The following ANKRD36 variants were observed in gnomAD, a reference collection of about 807,000 sequenced individuals.
The protein encoded by ANKRD36 is ankyrin repeat domain 36, also known as ankyrin repeat domain-containing protein 36A.
In ANKRD36, 179 loss-of-function variants were observed where a neutral mutation model predicts 278.1. The observed-to-expected ratio is 0.64, with a 90% confidence interval of 0.57 to 0.73. ANKRD36 has a LOEUF of 0.73. ANKRD36 is among the 30% of genes least tolerant of loss of function. ANKRD36 has a pLI of 0.00. For synonymous variants in ANKRD36, 320 were observed against 641.1 expected (o/e 0.50, Z 7.57); for missense variants, 1,159 against 1,956.7 (o/e 0.59, Z 7.69).
intron 6 of ANKRD36, among the ~76,000 whole-genome samples, chr2:97,130,977 A>T (rs1574660227): frequency 6.6e-6 from 1 of 152,028 alleles, no homozygotes; most frequent in South Asian, 2.1e-4. Flanking sequence ...TAAGATTTTA[A>T]GTTTCTTTTA....
intron 20 of ANKRD36, among the ~76,000 whole-genome samples, chr2:97,167,270 TAGTTTTTA>T (rs1283366171): frequency 6.6e-6 from 1 of 152,290 alleles, no homozygotes; most frequent in African/African-American, 2.4e-5. Flanking sequence ...ATGAAATTGA[TAGTTTTTA>T]AGTTAGAGGA....
rs558780420 is a variant in ANKRD36 at position 97,215,827 on chromosome 2, T to C, written c.3673+330T>C. 8.6e-4 allele frequency: 528 copies of C among 610,894 alleles called. No individual in the cohort carries two copies. In the African/African-American group the frequency reaches 8.8e-3, roughly 10 times the overall value. 37.8% of individuals were successfully genotyped at this position (610,894 alleles called of 1,614,324 possible). The stretch of plus-strand genomic sequence containing the variant: ...AGAGGGGAAGGAGAAAGAGATGAAG[T>C]AATAGATATTATAGGCGTCAGATCA... On this transcript the variant is annotated intron_variant, in intron 62 of 75. Transcript: ENST00000420699.
At chr2:97,217,849 C>A (rs2153641877) in intron 64 of ANKRD36, among the ~76,000 whole-genome samples, 1 of 151,422 alleles carries the variant, frequency 6.6e-6, no homozygotes, top group South Asian at 2.2e-4. Flanking sequence ...AGAGGGATTG[C>A]AAGGCAAGAA....
chr2:97,206,397 G>A (rs1371281146), intron 52 of ANKRD36, among the ~76,000 whole-genome samples: 1 of 151,468 alleles, frequency 6.6e-6, no homozygotes, highest in Non-Finnish European at 1.5e-5. Flanking sequence ...GGTCTCTGGG[G>A]AACAGCATAG....
intron 22 of ANKRD36, among the ~76,000 whole-genome samples, chr2:97,176,119 T>G (rs1023337512): frequency 1.3e-5 from 2 of 151,690 alleles, no homozygotes; most frequent in African/African-American, 4.8e-5. Flanking sequence ...GGGTGGAGAG[T>G]TCTGTAGATG....
At chr2:97,149,387 T>C in intron 12 of ANKRD36, 26 bp downstream of exon 12, 1 of 1,490,994 alleles carries the variant, frequency 6.7e-7, no homozygotes, top group Non-Finnish European at 8.9e-7. Context: ...GTGAAATTAA[T>C]TTTCTCCCTC....
chr2:97,150,169 A>G (rs936872668), intron 12 of ANKRD36, among the ~76,000 whole-genome samples: 1 of 151,846 alleles, frequency 6.6e-6, no homozygotes, highest in Non-Finnish European at 1.5e-5. Context: ...TCTTTATTTA[A>G]TTGAAAAATA....
In ANKRD36 at chr2:97,179,940, T is replaced by G. The variant is rs1284389306; in HGVS notation, c.1735+7T>G. 1 of 1,604,702 alleles carries G rather than the reference T, an allele frequency of 6.2e-7. No individual in the cohort carries two copies. The highest frequency in any genetic ancestry group is 1.1e-5 in the South Asian group (1 of 90,804). ...GGACCAATATCTGGGACAGGTAATTTTGCAAAACACATCTAATGTCATGTT... is the reference window on the plus strand; with the variant it reads ...GGACCAATATCTGGGACAGGTAATTGTGCAAAACACATCTAATGTCATGTT... On this transcript the variant is annotated splice_region_variant and intron_variant, in intron 24 of 75. Coordinates refer to ENST00000420699, the MANE Select transcript of ANKRD36 (RefSeq NM_001354587.1).
chr2:97,222,034 G>T (rs1232837140), intron 66 of ANKRD36, among the ~76,000 whole-genome samples: 1 of 151,138 alleles, frequency 6.6e-6, no homozygotes, highest in Non-Finnish European at 1.5e-5. Context: ...ATTAAATAGG[G>T]AATCCTTTCC....
intron 20 of ANKRD36, among the ~76,000 whole-genome samples, chr2:97,164,864 G>A (rs747463514): frequency 6.1e-5 from 9 of 147,142 alleles, no homozygotes; most frequent in Admixed American, 4.1e-4. Context: ...GAACTTCAAC[G>A]CCTTTATTTC....
chr2:97,116,382 T>C (rs1476717019), intron 1 of ANKRD36, among the ~76,000 whole-genome samples: 3 of 152,054 alleles, frequency 2.0e-5, no homozygotes, highest in Non-Finnish European at 2.9e-5. Context: ...CAAGTGATTC[T>C]CCCACCTCAG....
chr2:97,162,917 CT>C (rs2049381490), intron 18 of ANKRD36, among the ~76,000 whole-genome samples: 1 of 141,334 alleles, frequency 7.1e-6, no homozygotes, highest in African/African-American at 2.6e-5. Flanking sequence ...CGAGAAATTT[CT>C]TTCTTGAGTA....
At chr2:97,143,595 AC>A (rs888457119) in intron 8 of ANKRD36, among the ~76,000 whole-genome samples, 33 of 152,054 alleles carry the variant, frequency 2.2e-4, no homozygotes, top group Admixed American at 3.3e-4. Context: ...AAAGGAACTA[AC>A]TTTTGGATAA....
chr2:97,237,421 A>C (rs2073744455), intron 68 of ANKRD36, among the ~76,000 whole-genome samples: 1 of 151,604 alleles, frequency 6.6e-6, no homozygotes, highest in Non-Finnish European at 1.5e-5. Context: ...ATGTGTATCC[A>C]TGTTATATAA....
At chr2:97,200,566 A>T (rs747591702) in intron 46 of ANKRD36, 41 bp downstream of exon 46, 3 of 1,538,354 alleles carry the variant, frequency 2.0e-6, no homozygotes, top group East Asian at 4.9e-5. Context: ...TTCAGTCCAG[A>T]TAAGAAGTTC....
chr2:97,187,494 G>GGGGGGGGGGGGGGGGGC, intron 32 of ANKRD36, 93 bp downstream of exon 32: 13 of 95,514 alleles, frequency 1.4e-4, no homozygotes, highest in East Asian at 4.2e-4. Context: ...GGGTGGGGGG[G>GGGGGGGGGGGGGGGGGC]CTCGCCGAAG....
Position 97,141,071 on chromosome 2 carries a change from T to C in ANKRD36, c.800-1569T>C, listed in dbSNP as rs527806112. Among the ~76,000 whole-genome samples, 11 of 151,824 alleles carry C rather than the reference T, an allele frequency of 7.2e-5. 1 individual carries two copies. The highest frequency in any genetic ancestry group is 6.0e-4 in the Admixed American group (9 of 15,126). ...TAATCTAGAAAAAGTGTTTTTTTTT[T>C]CTTTAGGAAAGCTGTGTTGGCTGAG... On this transcript the variant is annotated intron_variant, in intron 6 of 75. Transcript: ENST00000420699.
At chr2:97,173,833 A>G (rs1391892342) in intron 22 of ANKRD36, among the ~76,000 whole-genome samples, 1 of 151,670 alleles carries the variant, frequency 6.6e-6, no homozygotes, top group Non-Finnish European at 1.5e-5. Context: ...AGTTTTGCAC[A>G]TCAGTGATAC....
chr2:97,226,682 A>G (rs1171525391), intron 67 of ANKRD36, among the ~76,000 whole-genome samples: 17 of 151,978 alleles, frequency 1.1e-4, no homozygotes, highest in Non-Finnish European at 1.9e-4. Flanking sequence ...TTGGTGTTTT[A>G]GACATGAAGT....
Sources: gnomAD v4.1 joint callset for allele counts (sites outside exome capture counted in the v4.1 genomes callset) on GRCh38, gnomAD v4.1.1 for gene constraint, MANE v1.5 for transcripts, NCBI Gene and HGNC (gene_info 2026-07-23, HGNC 2026-07-21) for gene names.